Variants in CRTAC1 observed in about 807,000 individuals in gnomAD.
CRTAC1 encodes the protein acidic secreted protein in cartilage.
CRTAC1 carries 37 observed loss-of-function variants against 67.8 expected under a neutral mutation model. The ratio of observed to expected loss-of-function variants is 0.55; its 90% CI spans 0.42 to 0.72. The LOEUF (loss-of-function observed/expected upper bound fraction) is 0.72, where lower values mean the gene tolerates loss of function less well. CRTAC1 is among the 30% of genes least tolerant of loss of function. The pLI, the probability that CRTAC1 is intolerant of heterozygous loss-of-function variation, is 0.00. For synonymous variants in CRTAC1, 348 were observed against 371.0 expected (o/e 0.94, Z 0.71); for missense variants, 780 against 931.6 (o/e 0.84, Z 2.12).
At chr10:97,879,859 A>AGGGGGGGGGGGGG in intron 14 of CRTAC1, 31 of 407,886 alleles carry the variant, frequency 7.6e-5, no homozygotes, top group East Asian at 1.8e-4. Context: ...GGGGGTGGGG[A>AGGGGGGGGGGGGG]CGGGGTGGGG....
At chr10:97,957,862 T>G (rs978416088) in intron 2 of CRTAC1, among the ~76,000 whole-genome samples, 3 of 152,094 alleles carry the variant, frequency 2.0e-5, no homozygotes, top group Non-Finnish European at 4.4e-5. Flanking sequence ...GTGAGGGGCT[T>G]GGAAACAGGA....
chr10:97,996,162 C>T (rs1480263769), intron 2 of CRTAC1, among the ~76,000 whole-genome samples: 1 of 151,796 alleles, frequency 6.6e-6, no homozygotes, highest in African/African-American at 2.4e-5. Flanking sequence ...CCATTCAGGA[C>T]ATAGGCATGG....
chr10:97,924,156 C>T (rs561286790), intron 3 of CRTAC1, among the ~76,000 whole-genome samples: 23 of 152,194 alleles, frequency 1.5e-4, no homozygotes, highest in African/African-American at 2.7e-4. Context: ...GGAGCTCGTT[C>T]GTGACTAAGA....
At chr10:97,908,215 G>T in intron 5 of CRTAC1, 68 bp from the exon 6 acceptor site, 1 of 1,551,010 alleles carries the variant, frequency 6.4e-7, no homozygotes, top group Non-Finnish European at 8.8e-7. Context: ...GGACAGGGCT[G>T]CCTCTGAGGC....
chr10:97,882,968 C>T, intron 12 of CRTAC1, 140 bp from the exon 13 acceptor site: 1 of 828,048 alleles, frequency 1.2e-6, no homozygotes, highest in South Asian at 1.7e-5. Context: ...GGGGGGAGCC[C>T]CCTCCCTTGT....
intron 2 of CRTAC1, among the ~76,000 whole-genome samples, chr10:98,005,248 G>A (rs2136688707): frequency 6.6e-6 from 1 of 150,384 alleles, no homozygotes; most frequent in South Asian, 2.1e-4. Flanking sequence ...GGGATTATAG[G>A]CACGTGCCAC....
intron 14 of CRTAC1, chr10:97,879,837 GA>G: frequency 4.0e-6 from 2 of 504,276 alleles, no homozygotes; most frequent in Non-Finnish European, 6.0e-6. Context: ...CAGAAAATGG[GA>G]AAAAGAGAAA....
Position 97,998,390 on chromosome 10 carries a change from G to A in CRTAC1, c.224+12748C>T, listed in dbSNP as rs1280717590. Among the ~76,000 whole-genome samples, 2 of 152,122 alleles carry A rather than the reference G, an allele frequency of 1.3e-5. 1 individual carries two copies. Among genetic ancestry groups the A allele is most frequent in the Non-Finnish European group, 2.9e-5 (2 of 68,010 alleles). ...TTTTTAAAAAGAGATCCATATACAC[G>A]ATAGTAAAACTGCCAAACTGAACGA... On this transcript the variant is annotated intron_variant, in intron 2 of 14. Coordinates refer to ENST00000370597, the MANE Select transcript of CRTAC1 (RefSeq NM_018058.7).
intron 1 of CRTAC1, among the ~76,000 whole-genome samples, chr10:98,022,844 G>A (rs997148678): frequency 6.6e-6 from 1 of 152,176 alleles, no homozygotes; most frequent in African/African-American, 2.4e-5. Context: ...TCTGAAGAGT[G>A]AGTGAGAGTA....
rs140087968 is a variant in CRTAC1 at position 97,889,558 on chromosome 10, G to T, written c.1487-5207C>A. 2.3e-3 allele frequency among the ~76,000 whole-genome samples: 346 copies of T among 152,090 alleles called. 1 individual carries two copies. The highest frequency in any genetic ancestry group is 8.0e-3 in the African/African-American group (330 of 41,492). On this transcript the variant is annotated intron_variant, in intron 11 of 14. Coordinates refer to ENST00000370597, the MANE Select transcript of CRTAC1 (RefSeq NM_018058.7). Reference sequence around the variant, plus strand: ...ACACAGTGGGCCCTCTGGGAACCCCGCATGCACTCATTACCCATGGACGGA... The same window carrying T: ...ACACAGTGGGCCCTCTGGGAACCCCTCATGCACTCATTACCCATGGACGGA...
intron 2 of CRTAC1, among the ~76,000 whole-genome samples, chr10:98,003,697 G>A (rs1224932422): frequency 6.6e-6 from 1 of 152,188 alleles, no homozygotes; most frequent in African/African-American, 2.4e-5. Flanking sequence ...ACCTATTGGT[G>A]GGTTCTGGGG....
chr10:97,932,085 C>T (rs11189451), intron 3 of CRTAC1, among the ~76,000 whole-genome samples: 20,197 of 152,172 alleles, frequency 0.13, 1,460 homozygotes, highest in South Asian at 0.24. Context: ...TTCCCTTACC[C>T]GCTTACCAAT....
intron 3 of CRTAC1, among the ~76,000 whole-genome samples, chr10:97,930,660 G>A (rs1305103635): frequency 6.6e-6 from 1 of 152,182 alleles, no homozygotes; most frequent in Non-Finnish European, 1.5e-5. Flanking sequence ...CTAGGTGGAG[G>A]AGCTGCCCGA....
intron 3 of CRTAC1, among the ~76,000 whole-genome samples, chr10:97,933,824 C>G (rs550558503): frequency 6.6e-6 from 1 of 152,188 alleles, no homozygotes; most frequent in Non-Finnish European, 1.5e-5. Flanking sequence ...AGTGGCCTTC[C>G]ACCTTGGTGT....
intron 7 of CRTAC1, among the ~76,000 whole-genome samples, chr10:97,903,570 T>C (rs752216275): frequency 3.0e-4 from 46 of 151,912 alleles, no homozygotes; most frequent in Admixed American, 1.2e-3. Context: ...GGTGGCCTCT[T>C]CTTGGTTACA....
intron 2 of CRTAC1, among the ~76,000 whole-genome samples, chr10:97,938,440 T>A (rs2051123326): frequency 6.6e-6 from 1 of 152,120 alleles, no homozygotes; most frequent in African/African-American, 2.4e-5. Flanking sequence ...CCCCACACCA[T>A]CTCAGAAGGA....
intron 2 of CRTAC1, among the ~76,000 whole-genome samples, chr10:97,941,261 C>T (rs1036310281): frequency 2.0e-5 from 3 of 152,158 alleles, no homozygotes; most frequent in Non-Finnish European, 4.4e-5. Flanking sequence ...AGGCCAACTT[C>T]CTCTGGTTTC....
At chr10:97,912,423 C>T (rs571294261) in intron 5 of CRTAC1, among the ~76,000 whole-genome samples, 5 of 152,288 alleles carry the variant, frequency 3.3e-5, no homozygotes, top group African/African-American at 1.2e-4. Context: ...CCCCTAGCCA[C>T]ATTCTGGCAC....
rs1171200284 is a variant in CRTAC1, at chr10:97,895,124, G to T, written c.1486+121C>A. The stretch of plus-strand genomic sequence containing the variant: ...AGAGTAGGGTTTGTCCCCAGTAGCT[G>T]GTGTCCACCATGGCTGTCACAGTAG... On this transcript the variant is annotated intron_variant, in intron 11 of 14. Coordinates refer to ENST00000370597, the MANE Select transcript of CRTAC1 (RefSeq NM_018058.7). The surrounding 1 kb of genome is among the most constrained non-coding windows in gnomAD (Gnocchi z 4.2). The T allele has an allele frequency of 3.1e-6, 3 of 957,026 alleles. No individual in the cohort carries two copies. Among genetic ancestry groups the T allele is most frequent in the Non-Finnish European group, 4.6e-6 (3 of 649,892 alleles). 59.3% of individuals were successfully genotyped at this position (957,026 alleles called of 1,614,324 possible).
Sources: gnomAD v4.1 joint callset for allele counts (sites outside exome capture counted in the v4.1 genomes callset) on GRCh38, gnomAD v4.1.1 for gene constraint, Gnocchi (gnomAD v3.1) non-coding constraint, MANE v1.5 for transcripts, NCBI Gene and HGNC (gene_info 2026-07-23, HGNC 2026-07-21) for gene names.